The following UGT1A8 variants were observed in gnomAD, a reference collection of about 807,000 sequenced individuals.
The protein encoded by UGT1A8 is UDP-glucuronosyltransferase 1A8.
UGT1A8 carries 39 observed loss-of-function variants against 45.3 expected under a neutral mutation model. The ratio of observed to expected loss-of-function variants is 0.86; its 90% CI spans 0.67 to 1.12. The LOEUF (loss-of-function observed/expected upper bound fraction) is 1.12, where lower values mean the gene tolerates loss of function less well. UGT1A8 is among the 50% of genes most tolerant of loss of function. The pLI, the probability that UGT1A8 is intolerant of heterozygous loss-of-function variation, is 0.00. For synonymous variants in UGT1A8, 275 were observed against 249.2 expected, an observed-to-expected ratio of 1.10 and a Z score of -0.97; for missense variants, 719 against 664.9, an observed-to-expected ratio of 1.08 and a Z score of -0.90.
intron 1 of UGT1A8, among the ~76,000 whole-genome samples, chr2:233,630,357 C>G (rs918804523): frequency 1.1e-4 from 17 of 152,278 alleles, no homozygotes; most frequent in Non-Finnish European, 1.6e-4. Flanking sequence ...TGCAGAATCT[C>G]TCACTAAATG....
rs528717884 is a variant in UGT1A8, at chr2:233,673,447, A to G, written c.855+54885A>G. On this transcript the variant is annotated intron_variant, in intron 1 of 4. Coordinates refer to ENST00000373450, the MANE Select transcript of UGT1A8 (RefSeq NM_019076.5). ...AATAGGGCCGTGTAAACACTCTTTA[A>G]TACTTTCCTTACATGAATATATTTC... is the stretch of plus-strand genomic sequence containing the variant. Among the ~76,000 whole-genome samples, 114 of 152,266 alleles carry G rather than the reference A, an allele frequency of 7.5e-4. 1 individual carries two copies. Among genetic ancestry groups the G allele is most frequent in the African/African-American group, 2.5e-3 (103 of 41,564 alleles).
chr2:233,743,863 G>A (rs369107156), intron 1 of UGT1A8: 364 of 1,364,642 alleles, frequency 2.7e-4, no homozygotes, highest in Middle Eastern at 2.1e-4. Context: ...CCTTCTTGAT[G>A]GCCTCGGATG....
intron 1 of UGT1A8, among the ~76,000 whole-genome samples, chr2:233,706,495 C>A (rs982553703): frequency 2.0e-5 from 3 of 152,192 alleles, no homozygotes; most frequent in African/African-American, 7.2e-5. Flanking sequence ...GGTGTCCAGG[C>A]TGGTGTGATG....
chr2:233,760,683 C>G, intron 1 of UGT1A8: 1 of 1,614,204 alleles, frequency 6.2e-7, no homozygotes, highest in Non-Finnish European at 8.5e-7. Context: ...ACTTACTGCA[C>G]AACAAGGAGC....
chr2:233,649,442 A>C (rs371604191), intron 1 of UGT1A8, among the ~76,000 whole-genome samples: 1 of 152,252 alleles, frequency 6.6e-6, no homozygotes, highest in African/African-American at 2.4e-5. Flanking sequence ...TACCTGCTGC[A>C]GTAAAATGTT....
At chr2:233,710,322 C>T (rs2076126104) in intron 1 of UGT1A8, among the ~76,000 whole-genome samples, 1 of 152,166 alleles carries the variant, frequency 6.6e-6, no homozygotes, top group Non-Finnish European at 1.5e-5. Flanking sequence ...GTATGTATGA[C>T]TTCATAAGAA....
intron 1 of UGT1A8, among the ~76,000 whole-genome samples, chr2:233,766,156 G>C (rs1699057554): frequency 6.6e-6 from 1 of 152,196 alleles, no homozygotes; most frequent in Admixed American, 6.5e-5. Context: ...TGGGCTTGGA[G>C]AATGAGTGCA....
At chr2:233,629,776 A>T (rs1427774453) in intron 1 of UGT1A8, among the ~76,000 whole-genome samples, 1 of 152,148 alleles carries the variant, frequency 6.6e-6, no homozygotes, top group East Asian at 1.9e-4. Context: ...GAAGGTTTGA[A>T]TTACAAATAC....
rs759077293 is a variant in UGT1A8, at chr2:233,769,522, C to T, written c.1295+1083C>T. On this transcript the variant is annotated intron_variant, in intron 4 of 4. Transcript: ENST00000373450. The surrounding 1 kb of genome is among the most constrained non-coding windows in gnomAD (Gnocchi z 4.4). ...GTCCATTGCTTTCTCCCATGGTTAC[C>T]TCCTTTAGAAAGAAGCAGCAGTCAG... 1.2e-6 allele frequency: 2 copies of T among 1,612,844 alleles called. No individual in the cohort carries two copies. The highest frequency in any genetic ancestry group is 1.7e-6 in the Non-Finnish European group (2 of 1,179,866).
At chr2:233,759,114 A>T (rs1268154790) in intron 1 of UGT1A8, among the ~76,000 whole-genome samples, 1 of 152,228 alleles carries the variant, frequency 6.6e-6, no homozygotes, top group Non-Finnish European at 1.5e-5. Context: ...CAAACCAGGG[A>T]GTTACAGCCT....
intron 1 of UGT1A8, chr2:233,671,744 G>T (rs1270935972): frequency 8.0e-7 from 1 of 1,250,016 alleles, no homozygotes; most frequent in African/African-American, 1.5e-5. Context: ...CATACAAATA[G>T]ATATCTCAGC....
chr2:233,664,136 A>T (rs947835246), intron 1 of UGT1A8, among the ~76,000 whole-genome samples: 1 of 152,178 alleles, frequency 6.6e-6, no homozygotes, highest in African/African-American at 2.4e-5. Context: ...ACCTTTGCTC[A>T]AGTTCCAAAT....
At chr2:233,691,248 T>C in intron 1 of UGT1A8, 1 of 985,534 alleles carries the variant, frequency 1.0e-6, no homozygotes. Context: ...CTAGATGAAC[T>C]CAAAGCAAGA....
intron 1 of UGT1A8, among the ~76,000 whole-genome samples, chr2:233,688,913 C>T (rs1258739831): frequency 6.6e-6 from 1 of 152,062 alleles, no homozygotes; most frequent in Admixed American, 6.5e-5. Context: ...GGATGGTGTG[C>T]CAAGCAGGGA....
At chr2:233,665,274 T>C (rs576584997) in intron 1 of UGT1A8, among the ~76,000 whole-genome samples, 1 of 152,354 alleles carries the variant, frequency 6.6e-6, no homozygotes, top group East Asian at 1.9e-4. Context: ...CCAATTAATA[T>C]TGATATAGAT....
At chr2:233,754,914 A>G (rs755182850) in intron 1 of UGT1A8, 33 of 1,353,478 alleles carry the variant, frequency 2.4e-5, no homozygotes, top group Non-Finnish European at 3.2e-5. Flanking sequence ...AATATTCTCC[A>G]GCGGGTTTCC....
intron 1 of UGT1A8, chr2:233,682,846 A>T: frequency 5.8e-6 from 9 of 1,544,208 alleles, no homozygotes; most frequent in Non-Finnish European, 7.8e-6. Flanking sequence ...GGAAATTAAA[A>T]GATTTCTTAC....
intron 1 of UGT1A8, among the ~76,000 whole-genome samples, chr2:233,720,431 G>A (rs28898613): frequency 0.011 from 1,733 of 152,136 alleles, 27 homozygotes; most frequent in African/African-American, 0.04. Context: ...AGATAAGACC[G>A]TGAATCTATA....
chr2:233,664,584 T>C (rs903952069), intron 1 of UGT1A8, among the ~76,000 whole-genome samples: 1 of 152,176 alleles, frequency 6.6e-6, no homozygotes, highest in African/African-American at 2.4e-5. Flanking sequence ...AGCAGGAGCA[T>C]GTCACATGAC....
Sources: allele counts gnomAD v4.1 joint callset (sites outside exome capture counted in the v4.1 genomes callset), GRCh38; gene constraint gnomAD v4.1.1; non-coding constraint Gnocchi (gnomAD v3.1); transcripts MANE v1.5; gene names NCBI Gene and HGNC (gene_info 2026-07-23, HGNC 2026-07-21).